The following SCHIP1 variants were observed in gnomAD, a reference collection of about 807,000 sequenced individuals.
SCHIP1 encodes the protein schwannomin interacting protein 1, also known as schwannomin-interacting protein 1.
A neutral mutation model predicts 29.7 loss-of-function variants in SCHIP1; 8 were observed. That is an observed-to-expected ratio of 0.27 (90% CI 0.16 to 0.49). SCHIP1 has a LOEUF of 0.49. SCHIP1 is among the 20% of genes least tolerant of loss of function. The pLI is 0.99. For missense variants in SCHIP1, 193 were observed against 294.6 expected, an observed-to-expected ratio of 0.66 and a Z score of 2.52; for synonymous variants, 76 against 94.9, an observed-to-expected ratio of 0.80 and a Z score of 1.16.
the SCHIP1 span, among the ~76,000 whole-genome samples, chr3:159,379,466 G>A: frequency 6.6e-6 from 1 of 152,114 alleles, no homozygotes. Context: ...CAGGTGATCT[G>A]CCCACCTTGG....
the SCHIP1 span, among the ~76,000 whole-genome samples, chr3:159,780,803 T>C: frequency 6.6e-6 from 1 of 152,208 alleles, no homozygotes; most frequent in Non-Finnish European, 1.5e-5. Context: ...CTAGCCCCCA[T>C]AGGGATTCGA....
At chr3:159,690,281 T>C in the SCHIP1 span, among the ~76,000 whole-genome samples, 1 of 152,250 alleles carries the variant, frequency 6.6e-6, no homozygotes, top group Non-Finnish European at 1.5e-5. Context: ...GAACTTGTTA[T>C]TGGTCTATTC....
the SCHIP1 span, among the ~76,000 whole-genome samples, chr3:159,509,526 AT>A: frequency 6.6e-6 from 1 of 152,178 alleles, no homozygotes; most frequent in East Asian, 1.9e-4. Flanking sequence ...TTAGCTGGTT[AT>A]TTTGCTCGTT....
chr3:159,604,004 A>G, the SCHIP1 span, among the ~76,000 whole-genome samples: 2 of 152,192 alleles, frequency 1.3e-5, no homozygotes, highest in Non-Finnish European at 2.9e-5. Context: ...ATGAGCCCTC[A>G]TAACCGAATC....
At chr3:159,325,162 C>T in the SCHIP1 span, among the ~76,000 whole-genome samples, 2 of 152,094 alleles carry the variant, frequency 1.3e-5, no homozygotes, top group Non-Finnish European at 2.9e-5. Flanking sequence ...AGACCTTATC[C>T]GAGACCTTAT....
chr3:159,594,188 C>T, the SCHIP1 span, among the ~76,000 whole-genome samples: 2 of 152,146 alleles, frequency 1.3e-5, no homozygotes, highest in Admixed American at 1.3e-4. Flanking sequence ...GTTTACAAGG[C>T]GGAAGAAATG....
At chr3:159,857,895 A>G (rs1713573019) in intron 1 of SCHIP1, among the ~76,000 whole-genome samples, 1 of 152,226 alleles carries the variant, frequency 6.6e-6, no homozygotes, top group Non-Finnish European at 1.5e-5. Context: ...AACTCGTAGT[A>G]ATGTCAGAGT....
the SCHIP1 span, among the ~76,000 whole-genome samples, chr3:159,814,237 G>A: frequency 3.9e-5 from 6 of 152,274 alleles, no homozygotes; most frequent in Admixed American, 2.6e-4. Context: ...CACTTTGAAC[G>A]CCCAGCCCCG....
the SCHIP1 span, among the ~76,000 whole-genome samples, chr3:159,370,438 G>A: frequency 2.6e-5 from 4 of 152,124 alleles, no homozygotes; most frequent in Non-Finnish European, 5.9e-5. Flanking sequence ...TCTCCATGGC[G>A]CTAATAACCA....
At chr3:159,469,030 T>C in the SCHIP1 span, among the ~76,000 whole-genome samples, 1 of 151,996 alleles carries the variant, frequency 6.6e-6, no homozygotes, top group East Asian at 1.9e-4. Context: ...CCTCCCAAAG[T>C]GCTGGGATTA....
At chr3:159,284,555 C>T in the SCHIP1 span, among the ~76,000 whole-genome samples, 1 of 152,120 alleles carries the variant, frequency 6.6e-6, no homozygotes, top group East Asian at 1.9e-4. Context: ...GTGGTGTAAT[C>T]TCAGCTCAGG....
At chr3:159,435,891 A>G in the SCHIP1 span, among the ~76,000 whole-genome samples, 1 of 152,038 alleles carries the variant, frequency 6.6e-6, no homozygotes, top group Non-Finnish European at 1.5e-5. Flanking sequence ...ATCTAACTCA[A>G]TTTCTTTCAG....
intron 1 of SCHIP1, among the ~76,000 whole-genome samples, chr3:159,851,823 G>C (rs181027226): frequency 1.6e-3 from 240 of 152,298 alleles, no homozygotes; most frequent in Middle Eastern, 0.01. Context: ...GAGGGTCCTG[G>C]GGTTTGAAGG....
the SCHIP1 span, among the ~76,000 whole-genome samples, chr3:159,417,135 T>G: frequency 2.6e-5 from 4 of 152,334 alleles, no homozygotes; most frequent in Admixed American, 2.0e-4. Flanking sequence ...TCCCTTTGGT[T>G]CACTTCACTT....
At chr3:159,586,603 G>A in the SCHIP1 span, among the ~76,000 whole-genome samples, 1 of 152,076 alleles carries the variant, frequency 6.6e-6, no homozygotes, top group East Asian at 1.9e-4. Flanking sequence ...GCAGATCCCT[G>A]AGGATGCTAT....
At chr3:159,840,068 G>A (rs1382477797) in exon 1 of SCHIP1, 3 of 1,508,056 alleles carry the variant, frequency 2.0e-6, no homozygotes, top group Non-Finnish European at 1.8e-6. Flanking sequence ...TTAATCTGCG[G>A]GGAGCCCCTG....
the SCHIP1 span, among the ~76,000 whole-genome samples, chr3:159,693,283 G>A: frequency 2.0e-5 from 3 of 152,206 alleles, no homozygotes; most frequent in South Asian, 4.2e-4. Context: ...GAAACTGTTT[G>A]CACACAAAAG....
chr3:159,341,476 G>A, the SCHIP1 span, among the ~76,000 whole-genome samples: 3 of 152,276 alleles, frequency 2.0e-5, no homozygotes, highest in East Asian at 5.8e-4. Flanking sequence ...GTGAGTGAAA[G>A]TTGGCAGGTA....
chr3:159,569,381 T>A, the SCHIP1 span, among the ~76,000 whole-genome samples: 3 of 152,214 alleles, frequency 2.0e-5, no homozygotes, highest in Non-Finnish European at 4.4e-5. Context: ...AGTGATCTCA[T>A]TATTCAATTC....
Sources: allele counts gnomAD v4.1 joint callset (sites outside exome capture counted in the v4.1 genomes callset), GRCh38; gene constraint gnomAD v4.1.1; transcripts MANE v1.5; gene names NCBI Gene and HGNC (gene_info 2026-07-23, HGNC 2026-07-21).